Variants in RPS6KC1 observed in about 807,000 individuals in gnomAD.
The protein encoded by RPS6KC1 is inactive ribosomal protein S6 kinase delta-1.
In RPS6KC1, 54 loss-of-function variants were observed where a neutral mutation model predicts 103.8. The observed-to-expected ratio is 0.52, with a 90% CI of 0.42 to 0.65. The LOEUF is 0.65. RPS6KC1 is among the 30% of genes least tolerant of loss of function. The pLI, the probability that RPS6KC1 is intolerant of heterozygous loss-of-function variation, is 0.00. For synonymous variants in RPS6KC1, 439 were observed against 438.7 expected (o/e 1.00, Z -0.01); for missense variants, 1,151 against 1,253.8 (o/e 0.92, Z 1.24).
the RPS6KC1 span, among the ~76,000 whole-genome samples, chr1:213,653,459 C>CA: frequency 0.24 from 35,208 of 146,154 alleles, 5,184 homozygotes; most frequent in Non-Finnish European, 0.35. Context: ...GATCCTGTCT[C>CA]AAAAAAAAAA....
At chr1:213,545,216 A>C in the RPS6KC1 span, among the ~76,000 whole-genome samples, 1 of 151,866 alleles carries the variant, frequency 6.6e-6, no homozygotes, top group Non-Finnish European at 1.5e-5. Context: ...AAATACAAAA[A>C]AAACATTAAC....
At chr1:213,659,228 G>A in the RPS6KC1 span, among the ~76,000 whole-genome samples, 6 of 152,216 alleles carry the variant, frequency 3.9e-5, no homozygotes, top group African/African-American at 1.4e-4. Flanking sequence ...GCCTCCCAAA[G>A]TGCTGGGATT....
At chr1:213,858,931 T>C in the RPS6KC1 span, among the ~76,000 whole-genome samples, 1 of 152,176 alleles carries the variant, frequency 6.6e-6, no homozygotes, top group African/African-American at 2.4e-5. Context: ...ATGGTCACAA[T>C]GCAAACAAAG....
At chr1:213,567,238 C>A in the RPS6KC1 span, among the ~76,000 whole-genome samples, 3 of 152,192 alleles carry the variant, frequency 2.0e-5, no homozygotes, top group Admixed American at 2.0e-4. Context: ...GACGGCTAAG[C>A]TTTTTGATCA....
chr1:213,601,433 T>A, the RPS6KC1 span, among the ~76,000 whole-genome samples: 1 of 148,046 alleles, frequency 6.8e-6, no homozygotes, highest in Non-Finnish European at 1.5e-5. Context: ...TATATATTCA[T>A]AAATATATAT....
At chr1:213,282,238 G>A in the RPS6KC1 span, among the ~76,000 whole-genome samples, 1,968 of 152,324 alleles carry the variant, frequency 0.013, 45 homozygotes, top group African/African-American at 0.045. Context: ...TGAGCTGTGC[G>A]GAGAGGACAT....
chr1:213,516,387 A>AT, the RPS6KC1 span, among the ~76,000 whole-genome samples: 1 of 152,082 alleles, frequency 6.6e-6, no homozygotes, highest in East Asian at 1.9e-4. Flanking sequence ...AGCTCTTATT[A>AT]TTTTGAGATA....
At chr1:213,542,974 G>C in the RPS6KC1 span, among the ~76,000 whole-genome samples, 2 of 152,178 alleles carry the variant, frequency 1.3e-5, no homozygotes, top group Non-Finnish European at 2.9e-5. Flanking sequence ...CTCTGTAAAG[G>C]AGAATGAGGA....
At chr1:213,159,141 TTGA>T (rs1332017578) in intron 6 of RPS6KC1, among the ~76,000 whole-genome samples, 1 of 152,134 alleles carries the variant, frequency 6.6e-6, no homozygotes, top group Non-Finnish European at 1.5e-5. Context: ...TAAACTTCTG[TTGA>T]TACTCAGGAG....
Position 213,143,989 on chromosome 1 carries a change from A to G in RPS6KC1, c.835+14100A>G, listed in dbSNP as rs138690333. On this transcript the variant is annotated intron_variant, in intron 6 of 14. Coordinates refer to ENST00000366960, the MANE Select transcript of RPS6KC1 (RefSeq NM_012424.6). ...CCATTCTTTCATAGTTACATTTCAC[A>G]GTGATCCTCAGCCAGGAAAGGTTAT... 4.2e-3 allele frequency among the ~76,000 whole-genome samples: 641 copies of G among 152,210 alleles called. 3 individuals are homozygous for G. Among genetic ancestry groups the G allele is most frequent in the African/African-American group, 0.015 (605 of 41,562 alleles).
intron 8 of RPS6KC1, among the ~76,000 whole-genome samples, chr1:213,184,310 A>G (rs975639060): frequency 6.6e-6 from 1 of 152,138 alleles, no homozygotes; most frequent in Non-Finnish European, 1.5e-5. Context: ...CAATATTCTC[A>G]TAAGTGTAGG....
chr1:213,639,174 A>G, the RPS6KC1 span, among the ~76,000 whole-genome samples: 1 of 152,118 alleles, frequency 6.6e-6, no homozygotes, highest in African/African-American at 2.4e-5. Flanking sequence ...AATACAATAG[A>G]CATTTTTGTA....
the RPS6KC1 span, among the ~76,000 whole-genome samples, chr1:213,437,570 A>G: frequency 1.5e-4 from 23 of 152,168 alleles, no homozygotes; most frequent in East Asian, 2.3e-3. Flanking sequence ...AAATATTTAG[A>G]AAAATTAACA....
chr1:213,634,403 T>C, the RPS6KC1 span, among the ~76,000 whole-genome samples: 1 of 152,080 alleles, frequency 6.6e-6, no homozygotes, highest in South Asian at 2.1e-4. Context: ...TGCAATCAAA[T>C]TAGAATTCAG....
intron 8 of RPS6KC1, among the ~76,000 whole-genome samples, chr1:213,228,190 A>G (rs748949685): frequency 2.6e-5 from 4 of 152,202 alleles, no homozygotes; most frequent in African/African-American, 4.8e-5. Context: ...TGTGCTGCAT[A>G]TGGAAAGATG....
the RPS6KC1 span, among the ~76,000 whole-genome samples, chr1:213,850,733 C>G: frequency 6.6e-6 from 1 of 151,114 alleles, no homozygotes. Flanking sequence ...TGTTTCTCTC[C>G]TCTTTAATCT....
At chr1:213,750,550 G>T in the RPS6KC1 span, among the ~76,000 whole-genome samples, 1 of 152,226 alleles carries the variant, frequency 6.6e-6, no homozygotes, top group South Asian at 2.1e-4. Context: ...TATGAGCTGA[G>T]AAGGGGAATG....
At chr1:213,523,786 A>C in the RPS6KC1 span, among the ~76,000 whole-genome samples, 19 of 152,352 alleles carry the variant, frequency 1.2e-4, no homozygotes, top group Middle Eastern at 3.4e-3. Context: ...ACAGTGCTTG[A>C]GAGTGAAAAC....
chr1:213,476,708 A>ATGGTGT, the RPS6KC1 span, among the ~76,000 whole-genome samples: 2 of 152,170 alleles, frequency 1.3e-5, no homozygotes, highest in African/African-American at 4.8e-5. Flanking sequence ...GAGGACTTCT[A>ATGGTGT]TGGTGTTGGA....
Sources: gnomAD v4.1 joint callset for allele counts (sites outside exome capture counted in the v4.1 genomes callset) on GRCh38, gnomAD v4.1.1 for gene constraint, MANE v1.5 for transcripts, NCBI Gene and HGNC (gene_info 2026-07-23, HGNC 2026-07-21) for gene names.